RIIAD1: variants seen among roughly 807,000 people sequenced by gnomAD.
RIIAD1 encodes regulatory subunit of type II PKA R-subunit domain containing 1, also known as RIIa domain-containing protein 1.
RIIAD1 carries 15 observed loss-of-function variants against 13.3 expected under a neutral mutation model. The observed-to-expected ratio is 1.13, with a 90% CI of 0.76 to 1.74. The LOEUF (loss-of-function observed/expected upper bound fraction) is 1.74. Ranked by LOEUF, RIIAD1 falls within the 40% of genes most tolerant of loss-of-function variation. The probability of loss-of-function intolerance (pLI) is 0.00; values close to 1 mark genes in which losing one functional copy is unlikely to be tolerated. For missense variants in RIIAD1, 121 were observed against 112.2 expected, an observed-to-expected ratio of 1.08 and a Z score of -0.35; for synonymous variants, 50 against 43.3, an observed-to-expected ratio of 1.16 and a Z score of -0.61.
chr1:151,717,878 C>T (rs993811744), upstream of RIIAD1, among the ~76,000 whole-genome samples: 6 of 152,110 alleles, frequency 3.9e-5, no homozygotes, highest in African/African-American at 1.2e-4. Context: ...CTGGAGGGAG[C>T]GTGACCCCTC....
Position 151,728,929 on chromosome 1 carries a change from T to C in RIIAD1, c.*57+36T>C. 3 of 713,096 alleles carry C rather than the reference T, an allele frequency of 4.2e-6. No homozygotes were observed. The South Asian group carries it at 4.7e-5, about 11-fold the overall frequency. The allele number at this position is 713,096 out of a possible 1,614,324, so 44.2% of individuals were successfully genotyped here. On this transcript the variant is annotated intron_variant, in intron 4 of 4. Coordinates refer to ENST00000479191, the MANE Select transcript of RIIAD1 (RefSeq NM_001144956.3). ...ACCTCACTTACAGACAGAGGCTTCT[T>C]TACTCTTGTGAAAATAAGCTCTGGT... is the stretch of plus-strand genomic sequence containing the variant.
chr1:151,716,721 T>C, upstream of RIIAD1: 1 of 425,090 alleles, frequency 2.4e-6, no homozygotes, highest in Non-Finnish European at 4.7e-6. Flanking sequence ...TGCCGGCTGC[T>C]CCCGCCGCTG....
intron 2 of RIIAD1, among the ~76,000 whole-genome samples, chr1:151,726,575 T>C (rs1189417719): frequency 6.6e-6 from 1 of 152,230 alleles, no homozygotes; most frequent in Non-Finnish European, 1.5e-5. Context: ...GGGCCCTCTT[T>C]ACTTCATTTA....
chr1:151,721,550 C>A lies in RIIAD1; in HGVS notation c.14C>A (p.Pro5Gln). 4 of 1,331,784 alleles carry A rather than the reference C, an allele frequency of 3.0e-6. No homozygotes were observed. The highest frequency in any genetic ancestry group is 3.8e-6 in the Non-Finnish European group (4 of 1,039,814). 82.5% of individuals were successfully genotyped at this position (1,331,784 alleles called of 1,614,324 possible). A position where few individuals can be genotyped will look rare whatever the true frequency, so the allele number is the denominator to read the frequency against. Residue 5 changes from proline (P) to glutamine (Q), a missense_variant, in exon 1 of 5, where the codon CCA becomes CAA. Coordinates refer to ENST00000479191, the MANE Select transcript of RIIAD1 (RefSeq NM_001144956.3). ...GACCGCAGCAAGATGGAGACGCTGC[C>A]AGGCTTGCTGCAGCGGCCCGACCCC... METL[P>Q]GLLQRPDPGA...
intron 3 of RIIAD1, among the ~76,000 whole-genome samples, chr1:151,727,961 A>G (rs1357700089): frequency 6.6e-6 from 1 of 152,174 alleles, no homozygotes; most frequent in Non-Finnish European, 1.5e-5. Context: ...TTTTAGAACT[A>G]CTGATGCTCA....
upstream of RIIAD1, chr1:151,721,519 C>G (rs916209188): frequency 7.7e-7 from 1 of 1,305,388 alleles, no homozygotes; most frequent in African/African-American, 1.5e-5. Flanking sequence ...GGCCGGTCGC[C>G]TTGACGACCG....
chr1:151,728,710 G>C (rs1210524093), intron 3 of RIIAD1, 56 bp from the exon 4 acceptor site: 6 of 1,058,718 alleles, frequency 5.7e-6, no homozygotes, highest in African/African-American at 3.2e-5. Flanking sequence ...TCCTTCCATG[G>C]GTAAATCTTT....
intron 3 of RIIAD1, 130 bp downstream of exon 3, chr1:151,727,751 G>A (rs2275921): frequency 0.23 from 148,132 of 652,732 alleles, 17,279 homozygotes; most frequent in Middle Eastern, 0.33. Flanking sequence ...TGTCCCCAAA[G>A]GGAGCTTTTT....
At chr1:151,721,080 G>A (rs1673725661), upstream of RIIAD1, among the ~76,000 whole-genome samples, 1 of 152,168 alleles carries the variant, frequency 6.6e-6, no homozygotes, top group Non-Finnish European at 1.5e-5. Flanking sequence ...GTTCTGGGGT[G>A]CTTCCACGTT....
intron 2 of RIIAD1, 48 bp from the exon 3 acceptor site, chr1:151,727,527 G>C: frequency 7.9e-7 from 1 of 1,268,930 alleles, no homozygotes; most frequent in Non-Finnish European, 1.1e-6. Flanking sequence ...GCCACAGCCT[G>C]CGTTAAAGTC....
upstream of RIIAD1, chr1:151,719,502 T>C (rs1673696656): frequency 4.8e-6 from 3 of 622,916 alleles, no homozygotes; most frequent in Non-Finnish European, 8.6e-6. Flanking sequence ...TGCTGGATAA[T>C]TGGGATATTT....
At position 151,721,579 on chromosome 1, in the gene RIIAD1, G is replaced by T; in HGVS notation, c.43G>T (p.Ala15Ser). 2 of 1,318,966 alleles carry T rather than the reference G, an allele frequency of 1.5e-6. No homozygotes were observed. Among genetic ancestry groups the T allele is most frequent in the Non-Finnish European group, 1.9e-6 (2 of 1,031,356 alleles). The allele number at this position is 1,318,966 out of a possible 1,614,324, so 81.7% of individuals were successfully genotyped here. A position where few individuals can be genotyped will look rare whatever the true frequency, so the allele number is the denominator to read the frequency against. The change falls in exon 1 of 5, where the codon GCG becomes TCG. Residue 15 changes from alanine to serine, a missense_variant. Ala to Ser is a moderately conservative substitution (Grantham distance 99). Transcript: ENST00000479191. ...PGLLQRPDPGALSAAQLEQLR... is the reference protein window; with the variant it reads ...PGLLQRPDPGSLSAAQLEQLR... Reference sequence around the variant, plus strand: ...CTTGCTGCAGCGGCCCGACCCCGGGGCGCTTAGCGCAGCGCAGCTGGAGCA... The same window carrying T: ...CTTGCTGCAGCGGCCCGACCCCGGGTCGCTTAGCGCAGCGCAGCTGGAGCA...
chr1:151,719,448 G>C (rs1272862801), upstream of RIIAD1: 1 of 570,206 alleles, frequency 1.8e-6, no homozygotes, highest in Non-Finnish European at 3.1e-6. Context: ...AATTTATAAA[G>C]GGAGAGCTCT....
At chr1:151,725,869 GA>G (rs1305960239) in intron 2 of RIIAD1, among the ~76,000 whole-genome samples, 1 of 152,056 alleles carries the variant, frequency 6.6e-6, no homozygotes, top group Non-Finnish European at 1.5e-5. Context: ...CTCCGTAATA[GA>G]ACCTCTTCTG....
intron 2 of RIIAD1, among the ~76,000 whole-genome samples, chr1:151,722,918 T>A (rs1344235508): frequency 6.6e-6 from 1 of 152,194 alleles, no homozygotes; most frequent in East Asian, 1.9e-4. Flanking sequence ...AGACAGGTGA[T>A]TGTCATTTTT....
intron 2 of RIIAD1, among the ~76,000 whole-genome samples, chr1:151,712,651 AG>A (rs1425680686): frequency 6.6e-6 from 1 of 152,212 alleles, no homozygotes; most frequent in East Asian, 1.9e-4. Flanking sequence ...GGGAACTCTT[AG>A]GGGAGAGAAA....
At chr1:151,721,881 T>C in intron 1 of RIIAD1, 1 of 599,848 alleles carries the variant, frequency 1.7e-6, no homozygotes, top group Non-Finnish European at 3.0e-6. Flanking sequence ...GCCAGACACA[T>C]CCGACCTTAG....
At chr1:151,726,417 A>G (rs780632084) in intron 2 of RIIAD1, among the ~76,000 whole-genome samples, 1 of 152,226 alleles carries the variant, frequency 6.6e-6, no homozygotes, top group Non-Finnish European at 1.5e-5. Context: ...CTTGCACATA[A>G]TTTGTGCCCA....
At chr1:151,719,889 A>G (rs1013611552), upstream of RIIAD1, among the ~76,000 whole-genome samples, 1 of 152,180 alleles carries the variant, frequency 6.6e-6, no homozygotes, top group Admixed American at 6.5e-5. Flanking sequence ...GTGGGGAGGT[A>G]GAGAACACTG....
Sources: gnomAD v4.1 joint callset for allele counts (sites outside exome capture counted in the v4.1 genomes callset) on GRCh38, gnomAD v4.1.1 for gene constraint, MANE v1.5 for transcripts, NCBI Gene and HGNC (gene_info 2026-07-23, HGNC 2026-07-21) for gene names.